FAM107B: variants seen among roughly 807,000 people sequenced by gnomAD.
The protein encoded by FAM107B is protein FAM107B.
In FAM107B, 21 loss-of-function variants were observed where a neutral mutation model predicts 31.5. The ratio of observed to expected loss-of-function variants is 0.67; its 90% CI spans 0.47 to 0.96. The LOEUF (loss-of-function observed/expected upper bound fraction) is 0.96. Among genes scored for constraint, FAM107B ranks in the 40% least tolerant of loss-of-function variants. The probability of loss-of-function intolerance (pLI) is 0.00; values close to 1 mark genes in which losing one functional copy is unlikely to be tolerated. For synonymous variants in FAM107B, 157 were observed against 141.5 expected, an observed-to-expected ratio of 1.11 and a Z score of -0.78; for missense variants, 452 against 377.1, an observed-to-expected ratio of 1.20 and a Z score of -1.64.
chr10:14,555,076 T>G (rs1849583965), intron 2 of FAM107B, among the ~76,000 whole-genome samples: 1 of 152,220 alleles, frequency 6.6e-6, no homozygotes, highest in Non-Finnish European at 1.5e-5. Context: ...AGTTGAGCTC[T>G]TTGTTTTACA....
At chr10:14,771,899 A>G (rs1228206602) in intron 1 of FAM107B, among the ~76,000 whole-genome samples, 1 of 152,224 alleles carries the variant, frequency 6.6e-6, no homozygotes, top group Non-Finnish European at 1.5e-5. Flanking sequence ...ACACTACACA[A>G]TTAATTAGTA....
intron 2 of FAM107B, among the ~76,000 whole-genome samples, chr10:14,578,049 C>G (rs1216622776): frequency 6.6e-6 from 1 of 152,258 alleles, no homozygotes; most frequent in East Asian, 1.9e-4. Context: ...CTTCACAGGG[C>G]TCTCAACCTC....
chr10:14,684,414 A>G (rs1018862531), intron 1 of FAM107B, among the ~76,000 whole-genome samples: 1 of 152,116 alleles, frequency 6.6e-6, no homozygotes, highest in Non-Finnish European at 1.5e-5. Context: ...ATCATGCCAC[A>G]GCACTCCAGC....
At position 14,573,028 on chromosome 10, in the gene FAM107B, C is replaced by T. The variant is rs146548427; in HGVS notation, c.470-42513G>A. The stretch of plus-strand genomic sequence containing the variant: ...TTACCATTGCAGAGGCACATATAGA[C>T]GCCCACTTGGTGACATCTGGCCCAC... On this transcript the variant is annotated intron_variant, in intron 2 of 4. Transcript: ENST00000181796. Among the ~76,000 whole-genome samples, 337 of 152,112 alleles carry T rather than the reference C, an allele frequency of 2.2e-3. 1 individual carries two copies. Among genetic ancestry groups the T allele is most frequent in the African/African-American group, 7.5e-3 (313 of 41,506 alleles).
intron 2 of FAM107B, among the ~76,000 whole-genome samples, chr10:14,625,052 C>T (rs59130886): frequency 0.02 from 2,986 of 151,994 alleles, 44 homozygotes; most frequent in South Asian, 0.036. Context: ...TGGTGAAATC[C>T]CGTCTCTACT....
At chr10:14,522,483 T>C (rs2130761366) in intron 3 of FAM107B, among the ~76,000 whole-genome samples, 1 of 151,644 alleles carries the variant, frequency 6.6e-6, no homozygotes, top group Non-Finnish European at 1.5e-5. Context: ...GCAGGCAATC[T>C]AGGCTCAATG....
In FAM107B at chr10:14,559,110, AAAAAAAAC is replaced by A. The variant is rs1283805706; in HGVS notation, c.470-28603_470-28596del. ...CACCTGTGGAACTTCAAAAAAAAAA[AAAAAAAAC>A]AAAAAAAAAACACCTGGTGTCTAGC... On this transcript the variant is annotated intron_variant, in intron 2 of 4. Transcript: ENST00000181796. 5.0e-4 allele frequency among the ~76,000 whole-genome samples: 42 copies of A among 83,612 alleles called. 1 individual carries two copies. Among genetic ancestry groups the A allele is most frequent in the African/African-American group, 9.8e-4 (27 of 27,422 alleles). 54.9% of individuals were successfully genotyped at this position (83,612 alleles called of 152,430 possible).
intron 3 of FAM107B, 51 bp downstream of exon 3, chr10:14,530,281 T>C (rs773946690): frequency 1.8e-5 from 28 of 1,520,588 alleles, no homozygotes; most frequent in African/African-American, 4.2e-5. Flanking sequence ...TTAGATATCA[T>C]GATCTTAAAA....
chr10:14,683,617 T>C (rs529004361), intron 1 of FAM107B, among the ~76,000 whole-genome samples: 39 of 152,342 alleles, frequency 2.6e-4, no homozygotes, highest in African/African-American at 8.9e-4. Flanking sequence ...GTAAGCCTGG[T>C]TGTCTATACT....
chr10:14,743,941 G>A (rs1358336147), intron 1 of FAM107B, among the ~76,000 whole-genome samples: 1 of 152,080 alleles, frequency 6.6e-6, no homozygotes, highest in Non-Finnish European at 1.5e-5. Context: ...AATTACTTTG[G>A]GCAGTATGGT....
intron 2 of FAM107B, among the ~76,000 whole-genome samples, chr10:14,644,035 G>A (rs1853695407): frequency 6.6e-6 from 1 of 152,176 alleles, no homozygotes; most frequent in African/African-American, 2.4e-5. Flanking sequence ...AATGATACCA[G>A]TAATGAGAAG....
intron 2 of FAM107B, among the ~76,000 whole-genome samples, chr10:14,593,996 T>C (rs1022177854): frequency 1.3e-5 from 2 of 152,286 alleles, no homozygotes; most frequent in Admixed American, 1.3e-4. Context: ...ATTAATAGGG[T>C]AACAGCCTTG....
At chr10:14,627,772 C>G (rs1250140596) in intron 2 of FAM107B, among the ~76,000 whole-genome samples, 1 of 151,278 alleles carries the variant, frequency 6.6e-6, no homozygotes, top group Non-Finnish European at 1.5e-5. Context: ...AACCCTGTCT[C>G]TATAAAAAGA....
chr10:14,662,744 C>T (rs930273985), intron 2 of FAM107B, among the ~76,000 whole-genome samples: 1 of 152,148 alleles, frequency 6.6e-6, no homozygotes, highest in Non-Finnish European at 1.5e-5. Context: ...TGAGTGCATG[C>T]CCTTCTGATG....
In FAM107B at chr10:14,774,561, T is replaced by C. The variant is rs778789861; in HGVS notation, c.103A>G (p.Arg35Gly). 2 of 1,614,184 alleles carry C rather than the reference T, an allele frequency of 1.2e-6. No individual in the cohort carries two copies. Among genetic ancestry groups the C allele is most frequent in the Non-Finnish European group, 1.7e-6 (2 of 1,180,030 alleles). ...SALLACFGNT[R>G]ESASFNQSGV... ...GACTGATTGAAGGAAGCACTCTCCC[T>C]CGTATTCCCAAAACAGGCGAGCAGA... Residue 35 changes from arginine (R) to glycine (G), a missense_variant, in exon 1 of 5, where the codon AGG becomes GGG. By Grantham distance (125) the Arg-to-Gly change is moderately radical. Coordinates refer to ENST00000181796, the MANE Select transcript of FAM107B (RefSeq NM_031453.4).
At chr10:14,757,835 GATAA>G (rs1350620625) in intron 1 of FAM107B, among the ~76,000 whole-genome samples, 1 of 152,212 alleles carries the variant, frequency 6.6e-6, no homozygotes, top group African/African-American at 2.4e-5. Flanking sequence ...GAGAAGGAAG[GATAA>G]AACCCTTCTG....
Position 14,644,790 on chromosome 10 carries a change from C to T in FAM107B, c.469+22844G>A, listed in dbSNP as rs12256720. Among the ~76,000 whole-genome samples the T allele has an allele frequency of 1.4e-3, 206 of 152,298 alleles. 1 individual carries two copies. Among genetic ancestry groups the T allele is most frequent in the African/African-American group, 4.8e-3 (200 of 41,560 alleles). ...TGTGCTTACTACAAAACACAAAAAC[C>T]ATCCTCCTTTTTGTGCATCGGACAG... On this transcript the variant is annotated intron_variant, in intron 2 of 4. Coordinates refer to ENST00000181796, the MANE Select transcript of FAM107B (RefSeq NM_031453.4).
chr10:14,531,644 C>A (rs1367849369), intron 2 of FAM107B, among the ~76,000 whole-genome samples: 1 of 151,562 alleles, frequency 6.6e-6, no homozygotes, highest in African/African-American at 2.4e-5. Flanking sequence ...GGGTTTGAGA[C>A]CAGCCTGGCC....
At position 14,749,056 on chromosome 10, in the gene FAM107B, T is replaced by A. The variant is rs1187779369; in HGVS notation, c.411+25197A>T. Among the ~76,000 whole-genome samples, 3 of 152,196 alleles carry A rather than the reference T, an allele frequency of 2.0e-5. 1 individual carries two copies. The South Asian group carries it at 6.2e-4, about 32-fold the overall frequency. On this transcript the variant is annotated intron_variant, in intron 1 of 4. Coordinates refer to ENST00000181796, the MANE Select transcript of FAM107B (RefSeq NM_031453.4). ...ATAAGAAAAAGAGCCAGAATGCTTCTCGTAGAGCCCAAGCCTCTGTGTTCT... is the reference window on the plus strand; with the variant it reads ...ATAAGAAAAAGAGCCAGAATGCTTCACGTAGAGCCCAAGCCTCTGTGTTCT...
Sources: gnomAD v4.1 joint callset for allele counts (sites outside exome capture counted in the v4.1 genomes callset) on GRCh38, gnomAD v4.1.1 for gene constraint, MANE v1.5 for transcripts, NCBI Gene and HGNC (gene_info 2026-07-23, HGNC 2026-07-21) for gene names.